ROBO2: variants seen among roughly 807,000 people sequenced by gnomAD.
ROBO2 encodes the protein roundabout guidance receptor 2, also known as roundabout homolog 2.
Under a neutral mutation model 160.8 loss-of-function variants are expected in ROBO2, and 53 were observed. That is an observed-to-expected ratio of 0.33 (90% confidence interval 0.26 to 0.41). ROBO2 has a LOEUF of 0.41. ROBO2 is among the 10% of genes least tolerant of loss of function. ROBO2 has a pLI of 1.00. For missense variants in ROBO2, 1,577 were observed against 1,722.4 expected (o/e 0.92, Z 1.49); for synonymous variants, 664 against 611.7 (o/e 1.09, Z -1.26).
At chr3:76,692,366 G>T (rs2092820886) in intron 2 of ROBO2, among the ~76,000 whole-genome samples, 1 of 152,132 alleles carries the variant, frequency 6.6e-6, no homozygotes, top group South Asian at 2.1e-4. Context: ...AAACTCCCCA[G>T]TGCTGGTTAC....
At chr3:76,619,708 A>T (rs1176892907) in intron 2 of ROBO2, among the ~76,000 whole-genome samples, 12 of 152,202 alleles carry the variant, frequency 7.9e-5, no homozygotes, top group Non-Finnish European at 1.8e-4. Flanking sequence ...AAACCTACTG[A>T]GGAGGATAGA....
At chr3:76,248,538 G>A (rs1705774492) in intron 2 of ROBO2, among the ~76,000 whole-genome samples, 1 of 151,324 alleles carries the variant, frequency 6.6e-6, no homozygotes, top group Non-Finnish European at 1.5e-5. Flanking sequence ...TATACCTAAT[G>A]CTAGATGACA....
intron 2 of ROBO2, among the ~76,000 whole-genome samples, chr3:77,142,113 A>G (rs2076753659): frequency 1.3e-5 from 2 of 151,332 alleles, no homozygotes; most frequent in Admixed American, 1.3e-4. Context: ...CTTTCCTTCC[A>G]CCCCCTTTCT....
chr3:76,079,904 T>C (rs2068766260), intron 2 of ROBO2, among the ~76,000 whole-genome samples: 1 of 152,092 alleles, frequency 6.6e-6, no homozygotes, highest in Admixed American at 6.5e-5. Context: ...TTACTAAAAA[T>C]CTTGTAATCT....
At chr3:75,979,978 T>C (rs2065233066) in intron 2 of ROBO2, among the ~76,000 whole-genome samples, 1 of 151,580 alleles carries the variant, frequency 6.6e-6, no homozygotes, top group Non-Finnish European at 1.5e-5. Context: ...AAGTGCTGAA[T>C]TATATGCATC....
chr3:75,911,252 T>C (rs1946569793), intron 1 of ROBO2, among the ~76,000 whole-genome samples: 1 of 152,150 alleles, frequency 6.6e-6, no homozygotes, highest in African/African-American at 2.4e-5. Flanking sequence ...AAGAAAAATC[T>C]CAGTGAATGC....
chr3:76,774,845 A>C (rs2062141529), intron 2 of ROBO2, among the ~76,000 whole-genome samples: 1 of 148,160 alleles, frequency 6.7e-6, no homozygotes. Flanking sequence ...TAGTAATTGT[A>C]AACATTGTTT....
chr3:76,472,144 T>C (rs544081767), intron 2 of ROBO2, among the ~76,000 whole-genome samples: 4 of 151,704 alleles, frequency 2.6e-5, no homozygotes, highest in Non-Finnish European at 5.9e-5. Flanking sequence ...CATAAACCTA[T>C]AGCCACATTT....
intron 2 of ROBO2, among the ~76,000 whole-genome samples, chr3:76,304,744 TTCC>T (rs1165546269): frequency 9.7e-4 from 89 of 92,130 alleles, no homozygotes; most frequent in African/African-American, 3.1e-3. Flanking sequence ...TTTCTTTTCT[TTCC>T]TTCTTTCTTT....
intron 2 of ROBO2, among the ~76,000 whole-genome samples, chr3:76,584,323 T>G (rs1036291929): frequency 8.0e-5 from 10 of 125,300 alleles, no homozygotes; most frequent in Admixed American, 3.1e-4. Context: ...CTTCAATATA[T>G]GATTCCCCCC....
intron 2 of ROBO2, among the ~76,000 whole-genome samples, chr3:77,118,403 A>G (rs2074412628): frequency 6.6e-6 from 1 of 152,216 alleles, no homozygotes; most frequent in South Asian, 2.1e-4. Context: ...AGTTGTAGGG[A>G]AGCCATTGTA....
Position 76,811,951 on chromosome 3 carries a change from A to C in ROBO2, c.110-286063A>C, listed in dbSNP as rs561009736. ...AATGGCACAATCTTGGCTCACTGCA[A>C]CCTCCACCTCCCAGGTTCAAGCGAT... On this transcript the variant is annotated intron_variant, in intron 2 of 26. Coordinates refer to the ROBO2 transcript ENST00000487694. Among the ~76,000 whole-genome samples, 11 of 150,052 alleles carry C rather than the reference A, an allele frequency of 7.3e-5. No individual in the cohort carries two copies. The South Asian group carries it at 2.3e-3, about 32-fold the overall frequency.
At chr3:76,525,601 T>A (rs191409749) in intron 2 of ROBO2, among the ~76,000 whole-genome samples, 57 of 152,124 alleles carry the variant, frequency 3.7e-4, no homozygotes, top group African/African-American at 1.3e-3. Flanking sequence ...TCTCAACCAA[T>A]GTGGCCAAAT....
intron 2 of ROBO2, among the ~76,000 whole-genome samples, chr3:76,973,980 G>T (rs2059695011): frequency 6.6e-6 from 1 of 152,154 alleles, no homozygotes; most frequent in Admixed American, 6.6e-5. Context: ...GTTATGGCAG[G>T]ACAAGAGGTT....
rs150737938 is a variant in ROBO2, at chr3:76,140,583, A to G, written c.109+202981A>G. Among the ~76,000 whole-genome samples, 743 of 151,964 alleles carry G rather than the reference A, an allele frequency of 4.9e-3. 5 individuals are homozygous for G. Among genetic ancestry groups the G allele is most frequent in the South Asian group, 0.01 (49 of 4,822 alleles). Reference sequence around the variant, plus strand: ...AGTCTACCTGCCAAACCTCCTCATTATATATATCCTGTCAGTAGTAATTAC... The same window carrying G: ...AGTCTACCTGCCAAACCTCCTCATTGTATATATCCTGTCAGTAGTAATTAC... On this transcript the variant is annotated intron_variant, in intron 2 of 26. Transcript: ENST00000487694.
At chr3:76,452,687 C>G (rs1353637617) in intron 2 of ROBO2, among the ~76,000 whole-genome samples, 1 of 152,212 alleles carries the variant, frequency 6.6e-6, no homozygotes, top group African/African-American at 2.4e-5. Flanking sequence ...TGGGTATATA[C>G]TCAGTAATGG....
chr3:77,062,569 T>C (rs2066430952), intron 1 of ROBO2, among the ~76,000 whole-genome samples: 1 of 152,052 alleles, frequency 6.6e-6, no homozygotes, highest in Non-Finnish European at 1.5e-5. Context: ...CTCCCAGAGG[T>C]CATGATTGTG....
chr3:76,577,296 CT>C (rs532195508), intron 2 of ROBO2, among the ~76,000 whole-genome samples: 3 of 151,898 alleles, frequency 2.0e-5, no homozygotes, highest in South Asian at 2.1e-4. Context: ...AAAGATGCTT[CT>C]TTTTTTTAAT....
intron 2 of ROBO2, among the ~76,000 whole-genome samples, chr3:77,241,320 A>G (rs2089005273): frequency 6.6e-6 from 1 of 152,250 alleles, no homozygotes; most frequent in Non-Finnish European, 1.5e-5. Context: ...CAATGAAAGT[A>G]GAAATTACCT....
Sources: allele counts gnomAD v4.1 joint callset (sites outside exome capture counted in the v4.1 genomes callset), GRCh38; gene constraint gnomAD v4.1.1; transcripts MANE v1.5; gene names NCBI Gene and HGNC (gene_info 2026-07-23, HGNC 2026-07-21).